The following LRP1B variants were observed in gnomAD, a reference collection of about 807,000 sequenced individuals.
The protein encoded by LRP1B is LDL receptor related protein 1B.
A neutral mutation model predicts 556.6 loss-of-function variants in LRP1B; 217 were observed. The ratio of observed to expected loss-of-function variants is 0.39; its 90% CI spans 0.35 to 0.44. The LOEUF (loss-of-function observed/expected upper bound fraction) is 0.44, where lower values mean the gene tolerates loss of function less well. Among genes scored for constraint, LRP1B ranks in the 20% least tolerant of loss-of-function variants. The pLI is 1.00. For synonymous variants in LRP1B, 2,047 were observed against 1,865.8 expected, an observed-to-expected ratio of 1.10 and a Z score of -2.50; for missense variants, 5,053 against 5,620.8, an observed-to-expected ratio of 0.90 and a Z score of 3.23.
At chr2:141,653,836 T>C (rs1197097873) in intron 2 of LRP1B, among the ~76,000 whole-genome samples, 1 of 152,192 alleles carries the variant, frequency 6.6e-6, no homozygotes, top group African/African-American at 2.4e-5. Flanking sequence ...TTTACAGAAG[T>C]TGTGGTTTAC....
At chr2:140,511,786 TC>T (rs1689673182) in intron 51 of LRP1B, among the ~76,000 whole-genome samples, 1 of 152,192 alleles carries the variant, frequency 6.6e-6, no homozygotes, top group South Asian at 2.1e-4. Context: ...TAGAAAATAA[TC>T]TATTAAATAA....
chr2:140,971,935 G>A (rs577495271), intron 18 of LRP1B, among the ~76,000 whole-genome samples: 4 of 152,310 alleles, frequency 2.6e-5, no homozygotes, highest in Admixed American at 2.6e-4. Context: ...AGGCAGGTAG[G>A]AGCCTTGGAA....
At chr2:140,290,137 G>A (rs546166006) in intron 84 of LRP1B, among the ~76,000 whole-genome samples, 2 of 152,024 alleles carry the variant, frequency 1.3e-5, no homozygotes, top group Non-Finnish European at 2.9e-5. Context: ...ATTCTAGTGG[G>A]GTAGATATTC....
intron 3 of LRP1B, among the ~76,000 whole-genome samples, chr2:141,292,926 A>T (rs1032605769): frequency 6.6e-6 from 1 of 152,198 alleles, no homozygotes; most frequent in Non-Finnish European, 1.5e-5. Context: ...ATACCCTATT[A>T]GTTTATCATA....
chr2:141,421,620 C>T (rs1290892597), intron 3 of LRP1B, among the ~76,000 whole-genome samples: 4 of 151,990 alleles, frequency 2.6e-5, no homozygotes, highest in Non-Finnish European at 5.9e-5. Context: ...ATTTAACCTA[C>T]TCAAAAAGGG....
intron 7 of LRP1B, among the ~76,000 whole-genome samples, chr2:141,080,000 C>A (rs982365658): frequency 6.6e-6 from 1 of 152,208 alleles, no homozygotes; most frequent in Non-Finnish European, 1.5e-5. Flanking sequence ...TCCACGAATA[C>A]GTGTCTAGTG....
At chr2:140,447,631 GT>G (rs1158720179) in intron 63 of LRP1B, among the ~76,000 whole-genome samples, 1 of 152,098 alleles carries the variant, frequency 6.6e-6, no homozygotes, top group Non-Finnish European at 1.5e-5. Context: ...GTCTGATCAT[GT>G]GTTCACTGGG....
intron 35 of LRP1B, among the ~76,000 whole-genome samples, chr2:140,739,515 C>T (rs1316845623): frequency 6.6e-6 from 1 of 152,126 alleles, no homozygotes; most frequent in African/African-American, 2.4e-5. Flanking sequence ...CAGTCTACCT[C>T]CCTGGTACAT....
rs1008324385 is a variant in LRP1B at position 140,814,486 on chromosome 2, A to C, written c.5210-680T>G. 4.6e-5 allele frequency among the ~76,000 whole-genome samples: 7 copies of C among 152,262 alleles called. No homozygotes were observed. The East Asian group carries it at 1.2e-3, about 25-fold the overall frequency. On this transcript the variant is annotated intron_variant, in intron 31 of 90. Transcript: ENST00000389484. ...ATATTTTTGAAAGTTTCTGTTTCCA[A>C]ATTGAGTGCCTGCCCTCTTCATTAT...
chr2:140,291,968 C>A (rs1253866767), intron 84 of LRP1B, among the ~76,000 whole-genome samples: 1 of 152,064 alleles, frequency 6.6e-6, no homozygotes, highest in African/African-American at 2.4e-5. Context: ...CTCTCCAGCA[C>A]CTGTTGTTTC....
chr2:141,232,118 T>C (rs1050380173), intron 5 of LRP1B, among the ~76,000 whole-genome samples: 1 of 152,168 alleles, frequency 6.6e-6, no homozygotes, highest in Non-Finnish European at 1.5e-5. Flanking sequence ...ACCTCTTAAA[T>C]CTATCTTTAA....
chr2:141,118,645 GCA>G (rs1482842727), intron 7 of LRP1B, among the ~76,000 whole-genome samples: 1 of 151,800 alleles, frequency 6.6e-6, no homozygotes, highest in East Asian at 1.9e-4. Flanking sequence ...GATATCAAAT[GCA>G]CACTCTGGAC....
chr2:141,449,531 A>G (rs1222567928), intron 3 of LRP1B, among the ~76,000 whole-genome samples: 3 of 152,140 alleles, frequency 2.0e-5, no homozygotes, highest in Non-Finnish European at 4.4e-5. Flanking sequence ...ATATCTTCCT[A>G]ACTCTACTTT....
At chr2:141,638,985 CAA>C (rs1199825487) in intron 2 of LRP1B, among the ~76,000 whole-genome samples, 1 of 49,924 alleles carries the variant, frequency 2.0e-5, no homozygotes, top group African/African-American at 6.4e-5. Flanking sequence ...CTTAGAGTCT[CAA>C]AAAAAAATAT....
intron 2 of LRP1B, among the ~76,000 whole-genome samples, chr2:141,745,988 G>C (rs899295421): frequency 6.6e-6 from 1 of 152,134 alleles, no homozygotes; most frequent in Non-Finnish European, 1.5e-5. Flanking sequence ...CTGGGAGCTA[G>C]GAATCCCCAC....
intron 1 of LRP1B, among the ~76,000 whole-genome samples, chr2:142,107,318 C>T (rs754336948): frequency 2.6e-5 from 4 of 152,064 alleles, no homozygotes; most frequent in Non-Finnish European, 4.4e-5. Context: ...GTTCTGCCCT[C>T]GTTGATGGAT....
intron 21 of LRP1B, among the ~76,000 whole-genome samples, chr2:140,912,077 C>T (rs2105239296): frequency 6.6e-6 from 1 of 151,706 alleles, no homozygotes; most frequent in Non-Finnish European, 1.5e-5. Context: ...CCCCCTCTTC[C>T]TATTGATTTT....
At chr2:141,584,244 C>CA (rs1687052701) in intron 2 of LRP1B, among the ~76,000 whole-genome samples, 1 of 141,590 alleles carries the variant, frequency 7.1e-6, no homozygotes. Context: ...GACCTTGTCT[C>CA]AAAAAAGAAA....
At chr2:140,744,388 G>A (rs1471288204) in intron 35 of LRP1B, among the ~76,000 whole-genome samples, 2 of 152,132 alleles carry the variant, frequency 1.3e-5, no homozygotes, top group African/African-American at 4.8e-5. Flanking sequence ...CAGTGTTTAA[G>A]ATGATAGAAG....
Sources: allele counts gnomAD v4.1 joint callset (sites outside exome capture counted in the v4.1 genomes callset), GRCh38; gene constraint gnomAD v4.1.1; transcripts MANE v1.5; gene names NCBI Gene and HGNC (gene_info 2026-07-23, HGNC 2026-07-21).